The following SLX4IP variants were observed in gnomAD, a reference collection of about 807,000 sequenced individuals.
The protein encoded by SLX4IP is protein SLX4IP.
In SLX4IP, 34 loss-of-function variants were observed where a neutral mutation model predicts 32.9. The observed-to-expected ratio is 1.03, with a 90% confidence interval of 0.79 to 1.38. The LOEUF (loss-of-function observed/expected upper bound fraction) is 1.38, where lower values mean the gene tolerates loss of function less well. SLX4IP is among the 40% of genes most tolerant of loss of function. The probability of loss-of-function intolerance (pLI) is 0.00; values close to 1 mark genes in which losing one functional copy is unlikely to be tolerated. For synonymous variants in SLX4IP, 172 were observed against 171.7 expected (o/e 1.00, Z -0.01); for missense variants, 444 against 479.0 (o/e 0.93, Z 0.68).
chr20:10,584,475 G>T (rs915717846), intron 4 of SLX4IP, among the ~76,000 whole-genome samples: 4 of 152,172 alleles, frequency 2.6e-5, no homozygotes, highest in Non-Finnish European at 5.9e-5. Context: ...ACTCTAATAA[G>T]ACTCTCACTA....
chr20:10,603,387 A>G (rs1374122545), intron 6 of SLX4IP, among the ~76,000 whole-genome samples: 1 of 152,246 alleles, frequency 6.6e-6, no homozygotes, highest in Non-Finnish European at 1.5e-5. Context: ...AAATCCTATA[A>G]TCTGGAGGAC....
At chr20:10,549,537 A>T (rs1255703999) in intron 2 of SLX4IP, among the ~76,000 whole-genome samples, 1 of 152,150 alleles carries the variant, frequency 6.6e-6, no homozygotes, top group Admixed American at 6.5e-5. Context: ...AATAAAGGGG[A>T]GTGGGTTCCA....
chr20:10,620,021 G>A (rs1343472885), intron 6 of SLX4IP, among the ~76,000 whole-genome samples: 2 of 152,196 alleles, frequency 1.3e-5, no homozygotes, highest in African/African-American at 4.8e-5. Context: ...CCCATCCTCA[G>A]TGGTGCAGGG....
At chr20:10,477,588 A>G (rs913054885) in intron 2 of SLX4IP, among the ~76,000 whole-genome samples, 102 of 151,878 alleles carry the variant, frequency 6.7e-4, no homozygotes, top group African/African-American at 2.3e-3. Context: ...TTGTTAGGCT[A>G]TTGCACAGTT....
At chr20:10,584,469 TA>T (rs2066622212) in intron 4 of SLX4IP, among the ~76,000 whole-genome samples, 1 of 152,246 alleles carries the variant, frequency 6.6e-6, no homozygotes, top group African/African-American at 2.4e-5. Context: ...ACCATTACTC[TA>T]ATAAGACTCT....
intron 4 of SLX4IP, among the ~76,000 whole-genome samples, chr20:10,581,845 C>A (rs889965642): frequency 3.3e-5 from 5 of 152,112 alleles, no homozygotes; most frequent in African/African-American, 1.2e-4. Flanking sequence ...TCGCTTGAGC[C>A]CAGAAGTTTG....
intron 2 of SLX4IP, among the ~76,000 whole-genome samples, chr20:10,505,102 T>C (rs936511251): frequency 4.6e-5 from 7 of 152,224 alleles, no homozygotes; most frequent in African/African-American, 1.2e-4. Flanking sequence ...TTTTTTTGTT[T>C]AGACACACTG....
intron 2 of SLX4IP, among the ~76,000 whole-genome samples, chr20:10,527,528 T>C (rs1259542010): frequency 6.6e-6 from 1 of 152,200 alleles, no homozygotes; most frequent in African/African-American, 2.4e-5. Flanking sequence ...ATTTACTCCA[T>C]CCTGTCCCCA....
In SLX4IP at chr20:10,437,410, C is replaced by T. The variant is rs541986955; in HGVS notation, c.-30+1957C>T. On this transcript the variant is annotated intron_variant, in intron 1 of 7. Transcript: ENST00000334534. Reference sequence around the variant, plus strand: ...CCCTGTATCTGCAGAGATTGAGACCCTCTGGATGAAATTAAAGAGCCAGTA... The same window carrying T: ...CCCTGTATCTGCAGAGATTGAGACCTTCTGGATGAAATTAAAGAGCCAGTA... Among the ~76,000 whole-genome samples the T allele has an allele frequency of 2.6e-4, 39 of 152,332 alleles. No individual in the cohort carries two copies. The South Asian group carries it at 3.7e-3, about 15-fold the overall frequency.
At chr20:10,556,002 G>A (rs2066263200) in intron 2 of SLX4IP, among the ~76,000 whole-genome samples, 1 of 152,166 alleles carries the variant, frequency 6.6e-6, no homozygotes. Flanking sequence ...TGTCTTTCCT[G>A]TCTTGATTAA....
At chr20:10,489,008 T>C (rs2065597442) in intron 2 of SLX4IP, among the ~76,000 whole-genome samples, 1 of 152,186 alleles carries the variant, frequency 6.6e-6, no homozygotes, top group Admixed American at 6.5e-5. Context: ...GAATTTTCCT[T>C]CCCTAGATTT....
At chr20:10,594,873 CT>C (rs751435743) in intron 4 of SLX4IP, among the ~76,000 whole-genome samples, 2 of 152,088 alleles carry the variant, frequency 1.3e-5, no homozygotes, top group Non-Finnish European at 2.9e-5. Flanking sequence ...TCCTTTCTTT[CT>C]CTCATATGCA....
At chr20:10,473,516 G>A (rs1310307287) in intron 2 of SLX4IP, among the ~76,000 whole-genome samples, 1 of 152,108 alleles carries the variant, frequency 6.6e-6, no homozygotes, top group Non-Finnish European at 1.5e-5. Flanking sequence ...CATAAATATT[G>A]ATAATCATTG....
chr20:10,548,285 C>T (rs1156387265), intron 2 of SLX4IP, among the ~76,000 whole-genome samples: 1 of 152,040 alleles, frequency 6.6e-6, no homozygotes, highest in Non-Finnish European at 1.5e-5. Flanking sequence ...GTCGCCCAGG[C>T]TGGAGTGCAG....
In SLX4IP at chr20:10,583,402, T is replaced by TC. The variant is rs1344528583; in HGVS notation, c.239-15273_239-15272insC. ...TGGTGTACACATTCATTGCACTCGGTTGATTATCTTTATCATAGAAGAACA... is the reference window on the plus strand; with the variant it reads ...TGGTGTACACATTCATTGCACTCGGTCTGATTATCTTTATCATAGAAGAACA... On this transcript the variant is annotated intron_variant, in intron 4 of 7. Transcript: ENST00000334534. 2.6e-5 allele frequency among the ~76,000 whole-genome samples: 4 copies of TC among 152,328 alleles called. No individual in the cohort carries two copies. The East Asian group carries it at 7.7e-4, about 29-fold the overall frequency.
chr20:10,508,217 AG>A, intron 2 of SLX4IP, among the ~76,000 whole-genome samples: 1 of 152,248 alleles, frequency 6.6e-6, no homozygotes, highest in Non-Finnish European at 1.5e-5. Context: ...CTGCCCTTGG[AG>A]CATCAGCCTA....
intron 2 of SLX4IP, among the ~76,000 whole-genome samples, chr20:10,476,975 C>T (rs1040526778): frequency 2.6e-5 from 4 of 152,160 alleles, no homozygotes; most frequent in African/African-American, 9.7e-5. Context: ...CAAATTTCAG[C>T]AAAACCAAGA....
intron 4 of SLX4IP, among the ~76,000 whole-genome samples, chr20:10,573,627 G>A (rs1601019672): frequency 6.6e-6 from 1 of 152,150 alleles, no homozygotes; most frequent in East Asian, 1.9e-4. Context: ...TCACTCATGT[G>A]GTTTTAGCAA....
At chr20:10,576,354 G>A (rs764537978) in intron 4 of SLX4IP, among the ~76,000 whole-genome samples, 2 of 152,120 alleles carry the variant, frequency 1.3e-5, no homozygotes, top group Non-Finnish European at 2.9e-5. Flanking sequence ...CTGTTCCCAG[G>A]GAGTTGAGTA....
Sources: allele counts gnomAD v4.1 joint callset (sites outside exome capture counted in the v4.1 genomes callset), GRCh38; gene constraint gnomAD v4.1.1; transcripts MANE v1.5; gene names NCBI Gene and HGNC (gene_info 2026-07-23, HGNC 2026-07-21).